The following GLRX3 variants were observed in gnomAD, a reference collection of about 807,000 sequenced individuals.
GLRX3 encodes the protein glutaredoxin 3.
Under a neutral mutation model 49.5 loss-of-function variants are expected in GLRX3, and 22 were observed. That is an observed-to-expected ratio of 0.44 (90% CI 0.32 to 0.63). GLRX3 has a LOEUF of 0.63. GLRX3 is among the 30% of genes least tolerant of loss of function. The pLI is 0.05. For synonymous variants in GLRX3, 133 were observed against 140.0 expected, an observed-to-expected ratio of 0.95 and a Z score of 0.35; for missense variants, 385 against 396.3, an observed-to-expected ratio of 0.97 and a Z score of 0.24.
chr10:130,151,731 C>T (rs963905912), intron 2 of GLRX3, among the ~76,000 whole-genome samples: 16 of 152,140 alleles, frequency 1.1e-4, no homozygotes, highest in Non-Finnish European at 2.1e-4. Flanking sequence ...CATTATATTC[C>T]GTGATGTATA....
In GLRX3 at chr10:130,140,037, T is replaced by A. The variant is rs977181701; in HGVS notation, c.92+3525T>A. Among the ~76,000 whole-genome samples, 7 of 152,328 alleles carry A rather than the reference T, an allele frequency of 4.6e-5. 1 individual carries two copies. The highest frequency in any genetic ancestry group is 2.6e-4 in the Admixed American group (4 of 15,300). On this transcript the variant is annotated intron_variant, in intron 1 of 10. Coordinates refer to ENST00000331244, the MANE Select transcript of GLRX3 (RefSeq NM_006541.5). The stretch of plus-strand genomic sequence containing the variant: ...TTTAAAATTTGACATGAATTGAAAT[T>A]TTTTTCTTTTAAGTAGTTGAATCAG...
rs539087377 is a variant in GLRX3 at position 130,169,898 on chromosome 10, G to A, written c.771+408G>A. Reference sequence around the variant, plus strand: ...CCTAGATCGTCCTTTTGTGACAGTGGAGGAGCAAACCCTGGCTGTAGCAGG... The same window carrying A: ...CCTAGATCGTCCTTTTGTGACAGTGAAGGAGCAAACCCTGGCTGTAGCAGG... On this transcript the variant is annotated intron_variant, in intron 7 of 10. Coordinates refer to ENST00000331244, the MANE Select transcript of GLRX3 (RefSeq NM_006541.5). Among the ~76,000 whole-genome samples the A allele has an allele frequency of 2.0e-5, 3 of 152,342 alleles. No homozygotes were observed. In the East Asian group the frequency reaches 5.8e-4, roughly 29 times the overall value.
intron 2 of GLRX3, among the ~76,000 whole-genome samples, chr10:130,155,202 C>T (rs10764930): frequency 0.1 from 15,231 of 152,166 alleles, 787 homozygotes; most frequent in Middle Eastern, 0.13. Context: ...AACCAAAGTG[C>T]AGAGTGTCAA....
intron 2 of GLRX3, among the ~76,000 whole-genome samples, chr10:130,158,027 C>T (rs986581867): frequency 6.6e-6 from 1 of 152,034 alleles, no homozygotes; most frequent in Non-Finnish European, 1.5e-5. Context: ...CTGTTCCCTT[C>T]TTCTTAAGAT....
intron 2 of GLRX3, among the ~76,000 whole-genome samples, chr10:130,151,095 T>G (rs1024650641): frequency 2.0e-5 from 3 of 152,044 alleles, no homozygotes; most frequent in African/African-American, 7.2e-5. Flanking sequence ...TCCTGGCTAA[T>G]TTTTGTATTT....
At chr10:130,160,360 A>C (rs1043386867) in intron 3 of GLRX3, among the ~76,000 whole-genome samples, 2 of 152,138 alleles carry the variant, frequency 1.3e-5, no homozygotes, top group Non-Finnish European at 2.9e-5. Context: ...GTGTTCCCTG[A>C]GTTGGTTAAA....
chr10:130,139,435 C>T (rs113309641), intron 1 of GLRX3, among the ~76,000 whole-genome samples: 14,298 of 151,198 alleles, frequency 0.095, 848 homozygotes, highest in Non-Finnish European at 0.12. Flanking sequence ...GTCAGGAGAT[C>T]GAGACCATCC....
intron 2 of GLRX3, among the ~76,000 whole-genome samples, chr10:130,157,467 C>T (rs566090363): frequency 1.6e-4 from 19 of 115,674 alleles, no homozygotes; most frequent in Middle Eastern, 6.2e-3. Flanking sequence ...CTTTTCAGGC[C>T]TTCAACCTAT....
chr10:130,163,786 C>T (rs1240535992), intron 4 of GLRX3, among the ~76,000 whole-genome samples: 1 of 152,132 alleles, frequency 6.6e-6, no homozygotes, highest in Non-Finnish European at 1.5e-5. Context: ...TGTTTTTGCT[C>T]TTCTTCTGGC....
chr10:130,157,041 T>C (rs1862483714), intron 2 of GLRX3, among the ~76,000 whole-genome samples: 1 of 152,234 alleles, frequency 6.6e-6, no homozygotes, highest in Non-Finnish European at 1.5e-5. Flanking sequence ...TAGCCATGTA[T>C]CTTTGGGCAA....
At position 130,175,068 on chromosome 10, in the gene GLRX3, G is replaced by A. The variant is rs1399760369; in HGVS notation, c.936G>A (p.Val312=). 8 of 1,580,328 alleles carry A rather than the reference G, an allele frequency of 5.1e-6. No individual in the cohort carries two copies. Among genetic ancestry groups the A allele is most frequent in the Non-Finnish European group, 7.0e-6 (8 of 1,149,960 alleles). The change falls in exon 10 of 11, where the codon GTG becomes GTA. Residue 312 remains valine, a synonymous_variant. Transcript: ENST00000331244. The stretch of plus-strand genomic sequence containing the variant: ...AGCTGTATGTGAAAGGGGAGCTGGT[G>A]GGAGGATTGGATATTGTGAAGGTAA... ...YPQLYVKGEL[V]GGLDIVKELK... is the part of the protein sequence containing the mutation.
chr10:130,165,236 GAGA>G (rs1250908059), intron 4 of GLRX3, among the ~76,000 whole-genome samples: 1 of 152,192 alleles, frequency 6.6e-6, no homozygotes, highest in Non-Finnish European at 1.5e-5. Flanking sequence ...AACTGTGTTT[GAGA>G]AGAAGAATGA....
In GLRX3 at chr10:130,179,527, C is replaced by T. The variant is rs1369771481; in HGVS notation, c.*135C>T. ...TCAGTTACATGTTTTGTGTATTTCA[C>T]AATGTCGTGCTAAATAAATGTATGT... On this transcript the variant is annotated 3_prime_UTR_variant, in exon 11 of 11. Transcript: ENST00000331244. 3 of 645,860 alleles carry T rather than the reference C, an allele frequency of 4.6e-6. No homozygotes were observed. The highest frequency in any genetic ancestry group is 8.3e-6 in the Non-Finnish European group (3 of 360,230). 40.0% of individuals were successfully genotyped at this position (645,860 alleles called of 1,614,324 possible). A position where few individuals can be genotyped will look rare whatever the true frequency, so the allele number is the denominator to read the frequency against.
At chr10:130,172,286 T>C (rs948808256) in intron 8 of GLRX3, among the ~76,000 whole-genome samples, 1 of 152,226 alleles carries the variant, frequency 6.6e-6, no homozygotes, top group Admixed American at 6.5e-5. Flanking sequence ...TCCTAGTTGC[T>C]AAACAGTACA....
At chr10:130,156,083 C>G (rs1049176040) in intron 2 of GLRX3, among the ~76,000 whole-genome samples, 2 of 152,202 alleles carry the variant, frequency 1.3e-5, no homozygotes, top group African/African-American at 4.8e-5. Flanking sequence ...TTGTCCTAGT[C>G]CATTTGTGCT....
In GLRX3 at chr10:130,171,655, C is replaced by G. The variant is rs1426908711; in HGVS notation, c.824+19C>G. 7.6e-7 allele frequency: 1 copy of G among 1,319,876 alleles called. No individual in the cohort carries two copies. Among genetic ancestry groups the G allele is most frequent in the Non-Finnish European group, 1.1e-6 (1 of 912,566 alleles). The allele number at this position is 1,319,876 out of a possible 1,614,324, so 81.8% of individuals were successfully genotyped here. On this transcript the variant is annotated intron_variant, in intron 8 of 10. Coordinates refer to ENST00000331244, the MANE Select transcript of GLRX3 (RefSeq NM_006541.5). The stretch of plus-strand genomic sequence containing the variant: ...GTACTGGGTATGTAAATGTTGTTTT[C>G]AAATGGTGTATTAAAAAAATTCCAA...
At position 130,172,259 on chromosome 10, in the gene GLRX3, T is replaced by A. The variant is rs1590073274; in HGVS notation, c.824+623T>A. Among the ~76,000 whole-genome samples the A allele has an allele frequency of 3.3e-5, 5 of 152,300 alleles. 1 individual carries two copies. The highest frequency in any genetic ancestry group is 3.3e-4 in the Admixed American group (5 of 15,296). ...CAGGGGAATATATTATAGGTAGTTT[T>A]TAATTTTTCTCAAATATCCTAGTTG... On this transcript the variant is annotated intron_variant, in intron 8 of 10. Transcript: ENST00000331244.
chr10:130,161,301 G>A (rs1055964503), intron 4 of GLRX3, among the ~76,000 whole-genome samples: 2 of 152,220 alleles, frequency 1.3e-5, no homozygotes, highest in African/African-American at 4.8e-5. Context: ...CACCTGGTAA[G>A]CAGAGTTAGG....
intron 10 of GLRX3, among the ~76,000 whole-genome samples, chr10:130,177,887 T>C (rs1349973204): frequency 6.6e-6 from 1 of 152,200 alleles, no homozygotes; most frequent in Non-Finnish European, 1.5e-5. Context: ...ACCTGAAATG[T>C]TATATCATAC....
Sources: allele counts gnomAD v4.1 joint callset (sites outside exome capture counted in the v4.1 genomes callset), GRCh38; gene constraint gnomAD v4.1.1; transcripts MANE v1.5; gene names NCBI Gene and HGNC (gene_info 2026-07-23, HGNC 2026-07-21).